Variants in MED13L observed in about 807,000 individuals in gnomAD.
MED13L encodes the protein mediator of RNA polymerase II transcription subunit 13-like.
MED13L carries 7 observed loss-of-function variants against 220.9 expected under a neutral mutation model. That is an observed-to-expected ratio of 0.03 (90% CI 0.02 to 0.06). MED13L has a LOEUF of 0.06. Ranked by LOEUF, MED13L falls within the 10% of genes least tolerant of loss-of-function variation. The pLI, the probability that MED13L is intolerant of heterozygous loss-of-function variation, is 1.00. For missense variants in MED13L, 1,965 were observed against 2,760.5 expected (o/e 0.71, Z 6.46); for synonymous variants, 1,011 against 1,015.2 (o/e 1.00, Z 0.08).
intron 4 of MED13L, among the ~76,000 whole-genome samples, chr12:116,025,252 G>T (rs1011651128): frequency 6.6e-6 from 1 of 152,142 alleles, no homozygotes; most frequent in African/African-American, 2.4e-5. Context: ...AGGATGCAAA[G>T]AAAAGAGGAC....
intron 2 of MED13L, among the ~76,000 whole-genome samples, chr12:116,222,053 A>G (rs1410961148): frequency 2.0e-5 from 3 of 152,226 alleles, no homozygotes; most frequent in Non-Finnish European, 4.4e-5. Flanking sequence ...GGTAGAAAGT[A>G]TGGCCAAAAT....
chr12:116,224,935 G>A (rs781027171), intron 2 of MED13L, among the ~76,000 whole-genome samples: 2 of 152,114 alleles, frequency 1.3e-5, no homozygotes, highest in East Asian at 1.9e-4. Flanking sequence ...GGCCTCAAGC[G>A]ATCCTCCCAC....
chr12:116,107,963 G>A (rs562905974), intron 3 of MED13L, among the ~76,000 whole-genome samples: 2 of 152,260 alleles, frequency 1.3e-5, no homozygotes, highest in South Asian at 4.1e-4. Context: ...GGTGGCACGT[G>A]CCTGTAGTCC....
At chr12:116,156,402 TAAAAA>T (rs11366103) in intron 2 of MED13L, among the ~76,000 whole-genome samples, 1 of 119,450 alleles carries the variant, frequency 8.4e-6, no homozygotes, top group Non-Finnish European at 1.7e-5. Flanking sequence ...TCCAATTACT[TAAAAA>T]AAAAAAAAAA....
At chr12:116,262,747 A>G (rs1032249922) in intron 1 of MED13L, among the ~76,000 whole-genome samples, 5 of 152,224 alleles carry the variant, frequency 3.3e-5, no homozygotes, top group African/African-American at 1.2e-4. Flanking sequence ...ATGGATTCTC[A>G]TGAGAATCAT....
At chr12:116,164,107 C>T (rs183786077) in intron 2 of MED13L, among the ~76,000 whole-genome samples, 63 of 152,258 alleles carry the variant, frequency 4.1e-4, no homozygotes, top group Non-Finnish European at 8.2e-4. Context: ...CACAAGTTCA[C>T]GAGCTATGAC....
chr12:116,267,577 C>T (rs779599898), intron 1 of MED13L, among the ~76,000 whole-genome samples: 7 of 152,182 alleles, frequency 4.6e-5, no homozygotes, highest in Non-Finnish European at 8.8e-5. Context: ...ACCAAGTTTA[C>T]AGGAGAAACT....
intron 4 of MED13L, among the ~76,000 whole-genome samples, chr12:116,049,190 CTTTA>C (rs1053496291): frequency 1.3e-5 from 2 of 152,090 alleles, no homozygotes; most frequent in African/African-American, 4.8e-5. Flanking sequence ...CTGAAATCAC[CTTTA>C]TTTTTAGGCA....
chr12:116,161,780 G>C (rs911180233), intron 2 of MED13L, among the ~76,000 whole-genome samples: 1 of 152,130 alleles, frequency 6.6e-6, no homozygotes, highest in Non-Finnish European at 1.5e-5. Flanking sequence ...ATATTGGCTT[G>C]AATATAAAAT....
In MED13L at chr12:116,008,745, T is replaced by C. The variant is rs766753533; in HGVS notation, c.1668A>G (p.Pro556=). Reference sequence around the variant, plus strand: ...CTCGTGGCTGAGGGCTGAGTGTTGGTGGCAGAGGGGATATAGGGGAATGAG... The same window carrying C: ...CTCGTGGCTGAGGGCTGAGTGTTGGCGGCAGAGGGGATATAGGGGAATGAG... The part of the protein sequence containing the change: ...DSPHSPISPL[P]PTLSPQPRGQ... Residue 556 remains proline (P), a synonymous_variant, in exon 10 of 31, where the codon CCA becomes CCG. Coordinates refer to ENST00000281928, the MANE Select transcript of MED13L (RefSeq NM_015335.5). The C allele has an allele frequency of 2.5e-6, 4 of 1,613,976 alleles. No homozygotes were observed. Among genetic ancestry groups the C allele is most frequent in the Non-Finnish European group, 3.4e-6 (4 of 1,179,980 alleles).
At chr12:116,027,061 A>G (rs1880437162) in intron 4 of MED13L, among the ~76,000 whole-genome samples, 3 of 146,766 alleles carry the variant, frequency 2.0e-5, no homozygotes, top group African/African-American at 7.7e-5. Flanking sequence ...GGGGAGAAAA[A>G]TATTTCCACA....
At chr12:116,221,256 T>A (rs1248017598) in intron 2 of MED13L, among the ~76,000 whole-genome samples, 4 of 151,664 alleles carry the variant, frequency 2.6e-5, no homozygotes, top group Non-Finnish European at 5.9e-5. Context: ...ATGCCTATAG[T>A]CTCAGCTACC....
At chr12:116,000,448 C>T (rs1878669561) in intron 14 of MED13L, among the ~76,000 whole-genome samples, 1 of 152,324 alleles carries the variant, frequency 6.6e-6, no homozygotes, top group Non-Finnish European at 1.5e-5. Context: ...CCACCTGCTC[C>T]TGCCCAGCAC....
chr12:116,150,452 T>A (rs1370289812), intron 2 of MED13L, among the ~76,000 whole-genome samples: 1 of 152,220 alleles, frequency 6.6e-6, no homozygotes, highest in Admixed American at 6.5e-5. Flanking sequence ...ACTAAACTTC[T>A]ATAATCAATG....
intron 4 of MED13L, among the ~76,000 whole-genome samples, chr12:116,039,863 G>A (rs1881418585): frequency 6.6e-6 from 1 of 152,148 alleles, no homozygotes; most frequent in South Asian, 2.1e-4. Flanking sequence ...ATGGAACTGA[G>A]GAAAGAGGTC....
chr12:116,017,031 T>C (rs910739002), intron 7 of MED13L, among the ~76,000 whole-genome samples: 1 of 152,206 alleles, frequency 6.6e-6, no homozygotes, highest in African/African-American at 2.4e-5. Flanking sequence ...ACTCCTAACC[T>C]GTAATTCAAC....
In MED13L at chr12:116,180,023, C is replaced by A. The variant is rs116213802; in HGVS notation, c.310+57445G>T. Among the ~76,000 whole-genome samples, 616 of 152,248 alleles carry A rather than the reference C, an allele frequency of 4.0e-3. 3 individuals are homozygous for A. The highest frequency in any genetic ancestry group is 0.014 in the African/African-American group (573 of 41,524). On this transcript the variant is annotated intron_variant, in intron 2 of 30. Transcript: ENST00000281928. The stretch of plus-strand genomic sequence containing the variant: ...TCCTTTATTTGAGTATCTATACAAT[C>A]CAAGTGACTTACTTTGTGGTGTTTC...
intron 2 of MED13L, among the ~76,000 whole-genome samples, chr12:116,145,874 A>T (rs1051475944): frequency 9.2e-5 from 14 of 152,036 alleles, no homozygotes; most frequent in African/African-American, 2.2e-4. Context: ...TTAAAAAAAA[A>T]TCCCCACACA....
intron 2 of MED13L, among the ~76,000 whole-genome samples, chr12:116,146,154 C>T (rs1002621259): frequency 2.3e-4 from 35 of 152,060 alleles, no homozygotes; most frequent in Admixed American, 2.1e-3. Flanking sequence ...GATGGAGTCT[C>T]GCTCTGTCAC....
Sources: gnomAD v4.1 joint callset for allele counts (sites outside exome capture counted in the v4.1 genomes callset) on GRCh38, gnomAD v4.1.1 for gene constraint, MANE v1.5 for transcripts, NCBI Gene and HGNC (gene_info 2026-07-23, HGNC 2026-07-21) for gene names.